The following SORBS2 variants were observed in gnomAD, a reference collection of about 807,000 sequenced individuals.
SORBS2 encodes the protein sorbin and SH3 domain-containing protein 2.
Under a neutral mutation model 97.7 loss-of-function variants are expected in SORBS2, and 46 were observed. The ratio of observed to expected loss-of-function variants is 0.47; its 90% confidence interval spans 0.37 to 0.60. SORBS2 has a LOEUF of 0.60. SORBS2 is among the 20% of genes least tolerant of loss of function. The probability of loss-of-function intolerance (pLI) is 0.00; values close to 1 mark genes in which losing one functional copy is unlikely to be tolerated. For missense variants in SORBS2, 1,316 were observed against 1,282.3 expected, an observed-to-expected ratio of 1.03 and a Z score of -0.40; for synonymous variants, 476 against 473.4, an observed-to-expected ratio of 1.01 and a Z score of -0.07.
chr4:185,895,489 T>A (rs2099244572), intron 1 of SORBS2, among the ~76,000 whole-genome samples: 1 of 152,212 alleles, frequency 6.6e-6, no homozygotes, highest in African/African-American at 2.4e-5. Flanking sequence ...GAGCATCCGT[T>A]CTGCTGCAGC....
At chr4:185,772,350 A>G (rs1355145699) in intron 2 of SORBS2, 1 of 152,142 alleles carries the variant, frequency 6.6e-6, no homozygotes, top group Non-Finnish European at 1.5e-5. Context: ...AATGCTTGCA[A>G]TGTTCCCTTG....
Position 185,684,632 on chromosome 4 carries a change from A to T in SORBS2, c.-197-5810T>A. The T allele has an allele frequency of 1.4e-6, 1 of 705,070 alleles. No individual in the cohort carries two copies. The highest frequency in any genetic ancestry group is 2.3e-6 in the Non-Finnish European group (1 of 426,508). 43.7% of individuals were successfully genotyped at this position (705,070 alleles called of 1,614,324 possible). A position where few individuals can be genotyped will look rare whatever the true frequency, so the allele number is the denominator to read the frequency against. Reference sequence around the variant, plus strand: ...TGGCAAGTGACTGCTGTTTTTAATTACACATTTAAAATGTTTCCTACAAGA... The same window carrying T: ...TGGCAAGTGACTGCTGTTTTTAATTTCACATTTAAAATGTTTCCTACAAGA... On this transcript the variant is annotated intron_variant, in intron 2 of 20. Transcript: ENST00000284776. The surrounding 1 kb of genome is among the most constrained non-coding windows in gnomAD (Gnocchi z 4.2).
intron 12 of SORBS2, among the ~76,000 whole-genome samples, chr4:185,597,817 G>GTT (rs980520201): frequency 9.9e-4 from 151 of 152,284 alleles, no homozygotes; most frequent in African/African-American, 3.5e-3. Context: ...GCTGAGAGTT[G>GTT]TTTCTGCTTT....
In SORBS2 at chr4:185,668,821, A is replaced by G. The variant is rs373936514; in HGVS notation, c.-45-6579T>C. Among the ~76,000 whole-genome samples the G allele has an allele frequency of 1.2e-3, 185 of 152,326 alleles. 1 individual carries two copies. Among genetic ancestry groups the G allele is most frequent in the African/African-American group, 4.1e-3 (172 of 41,578 alleles). On this transcript the variant is annotated intron_variant, in intron 4 of 20. Coordinates refer to the SORBS2 transcript ENST00000284776. ...CTTCTTTTCAAGACCATGGAAGGCT[A>G]AGGTGTTTGAATAGGGATCAAGGGT...
At chr4:185,909,138 GAATC>G (rs368008314) in intron 1 of SORBS2, among the ~76,000 whole-genome samples, 93 of 152,214 alleles carry the variant, frequency 6.1e-4, no homozygotes, top group African/African-American at 2.2e-3. Flanking sequence ...CAAAGATATG[GAATC>G]AACCTAAGTG....
intron 4 of SORBS2, among the ~76,000 whole-genome samples, chr4:185,637,282 T>C (rs562016736): frequency 6.6e-6 from 1 of 152,196 alleles, no homozygotes; most frequent in Non-Finnish European, 1.5e-5. Context: ...TTGCCTACAG[T>C]ATGGAGTGCA....
intron 1 of SORBS2, among the ~76,000 whole-genome samples, chr4:185,850,846 C>T (rs564679245): frequency 6.6e-6 from 1 of 152,246 alleles, no homozygotes; most frequent in African/African-American, 2.4e-5. Flanking sequence ...AAAAGATCCA[C>T]CTTACCCAGG....
chr4:185,886,505 A>G (rs909427730), intron 1 of SORBS2, among the ~76,000 whole-genome samples: 7 of 147,736 alleles, frequency 4.7e-5, no homozygotes, highest in South Asian at 4.3e-4. Flanking sequence ...CAGTGAGCCA[A>G]GATCATACCA....
At chr4:185,643,620 C>T (rs910414806) in intron 4 of SORBS2, among the ~76,000 whole-genome samples, 1 of 152,086 alleles carries the variant, frequency 6.6e-6, no homozygotes, top group Non-Finnish European at 1.5e-5. Context: ...AGAGGAGCAG[C>T]AGTGGCACTT....
intron 1 of SORBS2, among the ~76,000 whole-genome samples, chr4:185,938,938 G>A (rs2099270476): frequency 6.6e-6 from 1 of 152,168 alleles, no homozygotes; most frequent in Admixed American, 6.5e-5. Context: ...ATGTGCTGAT[G>A]GGTCTCACTT....
exon 15 of SORBS2, chr4:185,586,770 T>C (rs1456403759): frequency 3.3e-5 from 5 of 152,620 alleles, no homozygotes; most frequent in African/African-American, 1.2e-4. Context: ...TACTTACATT[T>C]TTTCAGATAA....
chr4:185,886,236 T>C (rs1016653376), intron 1 of SORBS2, among the ~76,000 whole-genome samples: 1 of 152,042 alleles, frequency 6.6e-6, no homozygotes, highest in Non-Finnish European at 1.5e-5. Context: ...GCAGAAAGGC[T>C]AAGGTGTTCT....
chr4:185,821,849 C>T (rs1331441179), intron 1 of SORBS2, among the ~76,000 whole-genome samples: 7 of 152,158 alleles, frequency 4.6e-5, no homozygotes, highest in Non-Finnish European at 8.8e-5. Flanking sequence ...ATGTTTTGGT[C>T]GCTTTTATTA....
At chr4:185,665,443 G>A (rs2097581851) in intron 4 of SORBS2, among the ~76,000 whole-genome samples, 1 of 152,174 alleles carries the variant, frequency 6.6e-6, no homozygotes, top group Non-Finnish European at 1.5e-5. Flanking sequence ...TGTATACTTA[G>A]CTAATAAGGC....
intron 1 of SORBS2, among the ~76,000 whole-genome samples, chr4:185,778,439 T>C (rs541290592): frequency 6.6e-6 from 1 of 152,296 alleles, no homozygotes; most frequent in African/African-American, 2.4e-5. Context: ...ACTTAGGATC[T>C]TGTTAGAAAC....
chr4:185,869,539 G>A (rs941434354), intron 1 of SORBS2, among the ~76,000 whole-genome samples: 11 of 152,230 alleles, frequency 7.2e-5, no homozygotes, highest in Admixed American at 7.2e-4. Flanking sequence ...CTAGCAAGAA[G>A]CAGCAGCCAA....
At chr4:185,938,745 C>A (rs1008031771) in intron 1 of SORBS2, among the ~76,000 whole-genome samples, 26 of 152,162 alleles carry the variant, frequency 1.7e-4, no homozygotes, top group African/African-American at 5.5e-4. Context: ...TGCTTTCCCC[C>A]CCAGCAGCCT....
chr4:185,871,908 C>A (rs1222400963), intron 1 of SORBS2, among the ~76,000 whole-genome samples: 1 of 152,202 alleles, frequency 6.6e-6, no homozygotes, highest in Non-Finnish European at 1.5e-5. Context: ...ACTTCCTTCT[C>A]TCAGGACTGT....
At chr4:185,749,029 T>C (rs1299144389) in intron 2 of SORBS2, among the ~76,000 whole-genome samples, 2 of 152,222 alleles carry the variant, frequency 1.3e-5, no homozygotes, top group East Asian at 1.9e-4. Context: ...GTTAGAAGTA[T>C]GGCTCGGCTT....
Sources: gnomAD v4.1 joint callset for allele counts (sites outside exome capture counted in the v4.1 genomes callset) on GRCh38, gnomAD v4.1.1 for gene constraint, Gnocchi (gnomAD v3.1) non-coding constraint, MANE v1.5 for transcripts, NCBI Gene and HGNC (gene_info 2026-07-23, HGNC 2026-07-21) for gene names.